COL23A1: variants seen among roughly 807,000 people sequenced by gnomAD.
The protein encoded by COL23A1 is collagen alpha-1(XXIII) chain.
COL23A1 carries 97 observed loss-of-function variants against 99.3 expected under a neutral mutation model. The observed-to-expected ratio is 0.98, with a 90% CI of 0.83 to 1.16. COL23A1 has a LOEUF of 1.16. Among genes scored for constraint, COL23A1 ranks in the 50% most tolerant of loss-of-function variants. COL23A1 has a pLI of 0.00. For missense variants in COL23A1, 762 were observed against 757.4 expected (o/e 1.01, Z -0.07); for synonymous variants, 320 against 308.2 (o/e 1.04, Z -0.40).
intron 1 of COL23A1, among the ~76,000 whole-genome samples, chr5:178,563,502 C>T (rs1304364708): frequency 1.3e-5 from 2 of 149,992 alleles, no homozygotes; most frequent in African/African-American, 4.9e-5. Context: ...AAAGCTGCAC[C>T]CTTGAGCCGG....
At chr5:178,247,002 T>A (rs372992376) in intron 22 of COL23A1, among the ~76,000 whole-genome samples, 4 of 151,936 alleles carry the variant, frequency 2.6e-5, no homozygotes, top group African/African-American at 9.7e-5. Flanking sequence ...TGACAAGGAG[T>A]GAGGCCAGGT....
chr5:178,269,470 TCCAC>T (rs1303952676), intron 6 of COL23A1, among the ~76,000 whole-genome samples: 1 of 81,976 alleles, frequency 1.2e-5, no homozygotes, highest in Non-Finnish European at 2.3e-5. Context: ...CATCCACCCA[TCCAC>T]CCACCCATCC....
intron 3 of COL23A1, among the ~76,000 whole-genome samples, chr5:178,300,706 G>A (rs1757986722): frequency 7.0e-6 from 1 of 142,834 alleles, no homozygotes; most frequent in African/African-American, 2.6e-5. Flanking sequence ...CTATAGGCAC[G>A]CCTGGCTAGC....
intron 17 of COL23A1, among the ~76,000 whole-genome samples, chr5:178,250,662 A>G (rs1047929574): frequency 6.8e-6 from 1 of 147,518 alleles, no homozygotes; most frequent in South Asian, 2.2e-4. Flanking sequence ...GTTTTAATAC[A>G]TTAAAAAGAT....
At chr5:178,522,155 T>A (rs1257386216) in intron 2 of COL23A1, among the ~76,000 whole-genome samples, 1 of 152,190 alleles carries the variant, frequency 6.6e-6, no homozygotes, top group African/African-American at 2.4e-5. Context: ...CCGAGTTAAC[T>A]GGATGAAGGT....
At chr5:178,343,202 G>T (rs1760766140) in intron 2 of COL23A1, among the ~76,000 whole-genome samples, 1 of 152,152 alleles carries the variant, frequency 6.6e-6, no homozygotes, top group South Asian at 2.1e-4. Context: ...GACATGAGAA[G>T]ATCAAAGGGT....
chr5:178,308,009 C>G lies in COL23A1; in HGVS notation c.362-1090G>C, dbSNP rs1188751160. On this transcript the variant is annotated intron_variant, in intron 2 of 28. Coordinates refer to ENST00000390654, the MANE Select transcript of COL23A1 (RefSeq NM_173465.4). This position sits in a 1 kb window ranked among gnomAD's most constrained non-coding sequence, Gnocchi z 5.1. The stretch of plus-strand genomic sequence containing the variant: ...AGGATGGAAAAATGAGTGTGGGTGT[C>G]TGTGTGTGTCTGTTTGCATGTGTCT... Among the ~76,000 whole-genome samples, 2 of 148,664 alleles carry G rather than the reference C, an allele frequency of 1.3e-5. No homozygotes were observed. The highest frequency in any genetic ancestry group is 1.3e-4 in the Admixed American group (2 of 15,146).
intron 2 of COL23A1, among the ~76,000 whole-genome samples, chr5:178,416,219 A>C (rs887735761): frequency 6.6e-6 from 1 of 152,208 alleles, no homozygotes; most frequent in Non-Finnish European, 1.5e-5. Flanking sequence ...ATAATGTGTA[A>C]AACATGATGA....
intron 2 of COL23A1, among the ~76,000 whole-genome samples, chr5:178,398,185 A>C (rs2127760407): frequency 6.6e-6 from 1 of 152,338 alleles, no homozygotes; most frequent in South Asian, 2.1e-4. Flanking sequence ...GCCATATAGG[A>C]AAAGTGACAG....
chr5:178,286,365 C>T (rs1320914918), intron 5 of COL23A1, among the ~76,000 whole-genome samples: 4 of 152,122 alleles, frequency 2.6e-5, no homozygotes, highest in South Asian at 2.1e-4. Flanking sequence ...GGGACGCCCG[C>T]GGGGCTCCAC....
At chr5:178,274,919 G>A (rs900465073) in intron 5 of COL23A1, among the ~76,000 whole-genome samples, 5 of 152,204 alleles carry the variant, frequency 3.3e-5, no homozygotes, top group South Asian at 4.1e-4. Flanking sequence ...CCCCACAGCT[G>A]TTTACAAGCC....
chr5:178,492,816 T>C (rs1758001621), intron 2 of COL23A1, among the ~76,000 whole-genome samples: 1 of 152,068 alleles, frequency 6.6e-6, no homozygotes, highest in Non-Finnish European at 1.5e-5. Flanking sequence ...AGCCAGGCTC[T>C]CTGTAGTAGA....
At chr5:178,469,722 T>C (rs1756637244) in intron 2 of COL23A1, among the ~76,000 whole-genome samples, 1 of 151,984 alleles carries the variant, frequency 6.6e-6, no homozygotes, top group African/African-American at 2.4e-5. Context: ...TGCAGAGCCA[T>C]CAAGAGGACC....
At chr5:178,375,730 C>T (rs551994670) in intron 2 of COL23A1, among the ~76,000 whole-genome samples, 71 of 152,206 alleles carry the variant, frequency 4.7e-4, no homozygotes, top group African/African-American at 1.6e-3. Context: ...TTTTTTGAGA[C>T]GGAGTCTGCC....
intron 4 of COL23A1, among the ~76,000 whole-genome samples, chr5:178,288,820 T>G (rs940424176): frequency 3.9e-5 from 6 of 152,186 alleles, no homozygotes; most frequent in Non-Finnish European, 8.8e-5. Context: ...TGTGGCTGCA[T>G]GCTTCTCTGC....
intron 2 of COL23A1, among the ~76,000 whole-genome samples, chr5:178,358,248 G>GTATGTATA (rs796141502): frequency 8.0e-6 from 1 of 125,616 alleles, no homozygotes. Flanking sequence ...GTATGTGTAT[G>GTATGTATA]TGTGTGTATG....
At chr5:178,522,777 G>A (rs550093587) in intron 2 of COL23A1, among the ~76,000 whole-genome samples, 1 of 152,248 alleles carries the variant, frequency 6.6e-6, no homozygotes, top group Admixed American at 6.5e-5. Flanking sequence ...CACTGCCCAG[G>A]ACCAGACGTG....
intron 2 of COL23A1, among the ~76,000 whole-genome samples, chr5:178,441,917 A>C (rs1216147480): frequency 6.6e-6 from 1 of 152,158 alleles, no homozygotes; most frequent in East Asian, 1.9e-4. Context: ...TTGTGGAAGA[A>C]ACCGTGTACT....
At position 178,365,131 on chromosome 5, in the gene COL23A1, G is replaced by A. The variant is rs1762392649; in HGVS notation, c.362-58212C>T. On this transcript the variant is annotated intron_variant, in intron 2 of 28. Transcript: ENST00000390654. The surrounding 1 kb of genome is among the most constrained non-coding windows in gnomAD (Gnocchi z 5.2). Reference sequence around the variant, plus strand: ...GGGGTGGGCTTTATGATGTTGCTGTGTGTGCGTGTGTGTGTGTGTGTGTGT... The same window carrying A: ...GGGGTGGGCTTTATGATGTTGCTGTATGTGCGTGTGTGTGTGTGTGTGTGT... Among the ~76,000 whole-genome samples, 1 of 113,736 alleles carries A rather than the reference G, an allele frequency of 8.8e-6. No homozygotes were observed. Among genetic ancestry groups the A allele is most frequent in the South Asian group, 3.0e-4 (1 of 3,332 alleles). 74.6% of individuals were successfully genotyped at this position (113,736 alleles called of 152,430 possible).
Sources: gnomAD v4.1 joint callset for allele counts (sites outside exome capture counted in the v4.1 genomes callset) on GRCh38, gnomAD v4.1.1 for gene constraint, Gnocchi (gnomAD v3.1) non-coding constraint, MANE v1.5 for transcripts, NCBI Gene and HGNC (gene_info 2026-07-23, HGNC 2026-07-21) for gene names.